Variants in FAM135B observed in about 807,000 individuals in gnomAD.
FAM135B encodes the protein protein FAM135B.
A neutral mutation model predicts 127.7 loss-of-function variants in FAM135B; 43 were observed. The ratio of observed to expected loss-of-function variants is 0.34; its 90% confidence interval spans 0.26 to 0.43. The LOEUF (loss-of-function observed/expected upper bound fraction) is 0.43. Ranked by LOEUF, FAM135B falls within the 20% of genes least tolerant of loss-of-function variation. The pLI, the probability that FAM135B is intolerant of heterozygous loss-of-function variation, is 1.00. For synonymous variants in FAM135B, 670 were observed against 665.1 expected, an observed-to-expected ratio of 1.01 and a Z score of -0.11; for missense variants, 1,558 against 1,725.6, an observed-to-expected ratio of 0.90 and a Z score of 1.72.
chr8:138,249,221 T>C (rs1821524460), intron 6 of FAM135B, among the ~76,000 whole-genome samples: 1 of 152,174 alleles, frequency 6.6e-6, no homozygotes, highest in African/African-American at 2.4e-5. Flanking sequence ...AGCTAGGGAA[T>C]ATCCTGTGGG....
In FAM135B at chr8:138,463,338, C is replaced by G. The variant is rs1348187907; in HGVS notation, c.-20+33333G>C. ...GTGACAGTAGGAAAGACAGGGCCAG[C>G]CAGGAGTTAGAAAAGGGAGAGACCA... On this transcript the variant is annotated intron_variant, in intron 1 of 19. Transcript: ENST00000395297. 3.3e-5 allele frequency among the ~76,000 whole-genome samples: 5 copies of G among 152,188 alleles called. No individual in the cohort carries two copies. In the South Asian group the frequency reaches 8.3e-4, roughly 25 times the overall value.
At chr8:138,175,720 T>TAGTCAC (rs925302931) in intron 11 of FAM135B, among the ~76,000 whole-genome samples, 26 of 26,574 alleles carry the variant, frequency 9.8e-4, no homozygotes, top group African/African-American at 3.2e-3. Flanking sequence ...ATGAGATTAC[T>TAGTCAC]ACCCCATTTC....
At chr8:138,371,745 C>T (rs1222326477) in intron 1 of FAM135B, among the ~76,000 whole-genome samples, 6 of 152,160 alleles carry the variant, frequency 3.9e-5, no homozygotes, top group Admixed American at 1.3e-4. Context: ...ATACCCAACC[C>T]GAAATACACC....
intron 4 of FAM135B, among the ~76,000 whole-genome samples, chr8:138,258,835 A>ACACACACC (rs1390212614): frequency 2.1e-5 from 3 of 145,872 alleles, no homozygotes; most frequent in African/African-American, 7.6e-5. Context: ...ACACACACAC[A>ACACACACC]CCATACACAC....
Position 138,337,299 on chromosome 8 carries a change from G to GA in FAM135B, c.78-26380dup, listed in dbSNP as rs1438998930. ...AAGGAAATAAAGGGTATTCAATTAG[G>GA]AAAAGAGGAAGTCAAATTGTCCCTG... is the stretch of plus-strand genomic sequence containing the variant. On this transcript the variant is annotated intron_variant, in intron 2 of 19. Coordinates refer to ENST00000395297, the MANE Select transcript of FAM135B (RefSeq NM_015912.4). Among the ~76,000 whole-genome samples, 5 of 151,610 alleles carry GA rather than the reference G, an allele frequency of 3.3e-5. No individual in the cohort carries two copies. The East Asian group carries it at 9.7e-4, about 29-fold the overall frequency.
intron 1 of FAM135B, among the ~76,000 whole-genome samples, chr8:138,416,006 C>T (rs1834124690): frequency 6.6e-6 from 1 of 152,144 alleles, no homozygotes; most frequent in African/African-American, 2.4e-5. Context: ...TTTGGACAAC[C>T]TCCTCTCCCT....
chr8:138,312,962 T>G (rs778959904), intron 2 of FAM135B, among the ~76,000 whole-genome samples: 12 of 151,882 alleles, frequency 7.9e-5, no homozygotes, highest in Non-Finnish European at 1.8e-4. Context: ...TTAAAATAAG[T>G]TGTCCTGAAG....
At chr8:138,137,548 A>G (rs1816770366) in intron 18 of FAM135B, among the ~76,000 whole-genome samples, 1 of 152,166 alleles carries the variant, frequency 6.6e-6, no homozygotes, top group South Asian at 2.1e-4. Context: ...CATGAAAGCT[A>G]AGGAGACACA....
intron 1 of FAM135B, among the ~76,000 whole-genome samples, chr8:138,447,465 C>T (rs1255637044): frequency 2.0e-5 from 3 of 152,196 alleles, no homozygotes; most frequent in African/African-American, 7.2e-5. Flanking sequence ...CCATGGAATA[C>T]TATGCAGCCA....
At chr8:138,423,938 T>C (rs757219103) in intron 1 of FAM135B, among the ~76,000 whole-genome samples, 1 of 152,214 alleles carries the variant, frequency 6.6e-6, no homozygotes, top group Non-Finnish European at 1.5e-5. Context: ...AATTCAGCCA[T>C]ATTTCTCCCA....
chr8:138,404,368 G>A (rs1323251401), intron 1 of FAM135B, among the ~76,000 whole-genome samples: 1 of 152,134 alleles, frequency 6.6e-6, no homozygotes, highest in East Asian at 1.9e-4. Context: ...TTTTGCTGAT[G>A]GAGAGTCTTG....
chr8:138,356,577 T>A (rs1012580122), intron 2 of FAM135B, among the ~76,000 whole-genome samples: 1 of 152,166 alleles, frequency 6.6e-6, no homozygotes, highest in Non-Finnish European at 1.5e-5. Flanking sequence ...TTTCACCCAA[T>A]GATGGTGAAG....
At chr8:138,274,793 G>A (rs1586941712) in intron 3 of FAM135B, among the ~76,000 whole-genome samples, 1 of 152,120 alleles carries the variant, frequency 6.6e-6, no homozygotes, top group East Asian at 1.9e-4. Flanking sequence ...TTTGAAAGAA[G>A]AGAAATGTGG....
intron 1 of FAM135B, among the ~76,000 whole-genome samples, chr8:138,435,584 A>G (rs1251724231): frequency 6.6e-6 from 1 of 152,224 alleles, no homozygotes; most frequent in African/African-American, 2.4e-5. Flanking sequence ...ATCAAATACA[A>G]TAGCAATATC....
rs1259844377 is a variant in FAM135B, at chr8:138,153,162, A to G, written c.1313T>C (p.Ile438Thr). Residue 438 changes from isoleucine (I) to threonine (T), a missense_variant, in exon 13 of 20, where the codon ATA becomes ACA. Coordinates refer to ENST00000395297, the MANE Select transcript of FAM135B (RefSeq NM_015912.4). ...NFDVPVTSPTIMNLKDKEDNC... is the reference protein window; with the variant it reads ...NFDVPVTSPTTMNLKDKEDNC... ...ATCTTCCTTGTCTTTCAGATTCATTATTGTAGGACTTGTCACTGGAACATC... is the reference window on the plus strand; with the variant it reads ...ATCTTCCTTGTCTTTCAGATTCATTGTTGTAGGACTTGTCACTGGAACATC... 1 of 1,605,904 alleles carries G rather than the reference A, an allele frequency of 6.2e-7. No individual in the cohort carries two copies. The highest frequency in any genetic ancestry group is 1.7e-5 in the Admixed American group (1 of 59,538).
At chr8:138,276,678 T>C (rs1823850437) in intron 3 of FAM135B, among the ~76,000 whole-genome samples, 2 of 152,218 alleles carry the variant, frequency 1.3e-5, no homozygotes, top group Admixed American at 1.3e-4. Flanking sequence ...CATTCTCATC[T>C]GTACTGTCTC....
intron 7 of FAM135B, among the ~76,000 whole-genome samples, chr8:138,215,929 G>A (rs1481744034): frequency 6.6e-6 from 1 of 152,164 alleles, no homozygotes; most frequent in Admixed American, 6.5e-5. Flanking sequence ...CATAGAACAG[G>A]ATTCTCTGTG....
At chr8:138,230,027 A>C (rs915950716) in intron 7 of FAM135B, among the ~76,000 whole-genome samples, 1 of 152,194 alleles carries the variant, frequency 6.6e-6, no homozygotes, top group Non-Finnish European at 1.5e-5. Context: ...GCACCACAGA[A>C]AGAGGTGGAG....
At chr8:138,172,625 G>A (rs1820566043) in intron 11 of FAM135B, among the ~76,000 whole-genome samples, 1 of 152,172 alleles carries the variant, frequency 6.6e-6, no homozygotes, top group African/African-American at 2.4e-5. Flanking sequence ...CAGAGACCTT[G>A]TCTACCTTGT....
Sources: gnomAD v4.1 joint callset for allele counts (sites outside exome capture counted in the v4.1 genomes callset) on GRCh38, gnomAD v4.1.1 for gene constraint, MANE v1.5 for transcripts, NCBI Gene and HGNC (gene_info 2026-07-23, HGNC 2026-07-21) for gene names.